EIPR1: variants seen among roughly 807,000 people sequenced by gnomAD.
EIPR1 encodes the protein EARP and GARP complex-interacting protein 1.
EIPR1 carries 25 observed loss-of-function variants against 48.1 expected under a neutral mutation model. That is an observed-to-expected ratio of 0.52 (90% CI 0.38 to 0.73). The LOEUF (loss-of-function observed/expected upper bound fraction) is 0.73. Ranked by LOEUF, EIPR1 falls within the 30% of genes least tolerant of loss-of-function variation. The pLI, the probability that EIPR1 is intolerant of heterozygous loss-of-function variation, is 0.00. For synonymous variants in EIPR1, 204 were observed against 201.9 expected (o/e 1.01, Z -0.09); for missense variants, 415 against 506.2 (o/e 0.82, Z 1.73).
At chr2:3,251,916 C>T (rs879740190) in intron 4 of EIPR1, among the ~76,000 whole-genome samples, 8 of 152,164 alleles carry the variant, frequency 5.3e-5, no homozygotes, top group Admixed American at 1.3e-4. Context: ...AGTTCTGGGG[C>T]GAGACTTCTG....
intron 5 of EIPR1, among the ~76,000 whole-genome samples, chr2:3,206,366 G>A (rs1396543662): frequency 1.3e-5 from 2 of 152,324 alleles, no homozygotes; most frequent in African/African-American, 2.4e-5. Context: ...AGCCCCCAGT[G>A]GGCTGCAGGC....
chr2:3,348,106 G>A (rs1670459226), intron 2 of EIPR1, among the ~76,000 whole-genome samples: 1 of 152,170 alleles, frequency 6.6e-6, no homozygotes, highest in South Asian at 2.1e-4. Flanking sequence ...CCAATCAGAG[G>A]CGCTGCAGGA....
intron 3 of EIPR1, among the ~76,000 whole-genome samples, chr2:3,276,174 T>C (rs1228788417): frequency 2.0e-5 from 3 of 152,208 alleles, no homozygotes; most frequent in African/African-American, 7.2e-5. Context: ...GAAATTACCA[T>C]TTAGGGTGAA....
intron 3 of EIPR1, chr2:3,318,801 A>C: frequency 2.1e-6 from 1 of 465,928 alleles, no homozygotes. Flanking sequence ...CGATCGCCAC[A>C]CATGCACCCC....
intron 3 of EIPR1, among the ~76,000 whole-genome samples, chr2:3,290,586 T>G (rs1017094696): frequency 3.3e-5 from 5 of 152,224 alleles, no homozygotes; most frequent in Non-Finnish European, 5.9e-5. Flanking sequence ...GTCTTGCCAC[T>G]TGGGCATCTG....
At chr2:3,327,878 G>A (rs557081736) in intron 3 of EIPR1, among the ~76,000 whole-genome samples, 1 of 148,430 alleles carries the variant, frequency 6.7e-6, no homozygotes, top group East Asian at 2.0e-4. Context: ...TTTTCTTTTT[G>A]AGATAGGGTC....
chr2:3,268,707 A>G (rs1457957363), intron 3 of EIPR1, among the ~76,000 whole-genome samples: 2 of 152,196 alleles, frequency 1.3e-5, no homozygotes, highest in Admixed American at 1.3e-4. Flanking sequence ...GTTGACCAGG[A>G]AGCTTTGGGC....
chr2:3,239,665 C>T (rs548529654), intron 4 of EIPR1, among the ~76,000 whole-genome samples: 14 of 152,206 alleles, frequency 9.2e-5, no homozygotes, highest in Non-Finnish European at 7.4e-5. Context: ...GCCCTCAGCA[C>T]GGTGCAGACC....
intron 3 of EIPR1, among the ~76,000 whole-genome samples, chr2:3,331,349 G>T (rs1238584044): frequency 1.7e-5 from 1 of 60,034 alleles, no homozygotes; most frequent in Non-Finnish European, 3.0e-5. Flanking sequence ...GATGGTGTGA[G>T]CAGAGGCAGG....
At chr2:3,259,409 A>G (rs185969682) in intron 3 of EIPR1, among the ~76,000 whole-genome samples, 2 of 152,360 alleles carry the variant, frequency 1.3e-5, no homozygotes, top group East Asian at 3.9e-4. Flanking sequence ...CCCTCAATAA[A>G]GCAAAAGTGG....
intron 1 of EIPR1, among the ~76,000 whole-genome samples, chr2:3,362,523 A>G (rs985561332): frequency 2.6e-5 from 4 of 152,120 alleles, no homozygotes; most frequent in African/African-American, 9.7e-5. Flanking sequence ...TCTGGACTTC[A>G]GGTTTTAAGC....
intron 3 of EIPR1, chr2:3,318,860 C>A (rs375168976): frequency 4.2e-6 from 2 of 471,148 alleles, no homozygotes; most frequent in Non-Finnish European, 4.4e-6. Flanking sequence ...AGCTCACCTG[C>A]GACCTGTCCC....
chr2:3,304,902 C>T (rs543280487), intron 3 of EIPR1, among the ~76,000 whole-genome samples: 104 of 149,968 alleles, frequency 6.9e-4, no homozygotes, highest in African/African-American at 2.4e-3. Flanking sequence ...GTTCAACCCT[C>T]CAATCCCGTC....
chr2:3,257,502 C>G, intron 3 of EIPR1, 47 bp from the exon 4 acceptor site: 3 of 1,599,952 alleles, frequency 1.9e-6, no homozygotes, highest in Middle Eastern at 1.7e-4. Flanking sequence ...CACGGTGTGC[C>G]CCGCATTCTG....
chr2:3,254,465 C>T lies in EIPR1; in HGVS notation c.416+2834G>A, dbSNP rs569921993. On this transcript the variant is annotated intron_variant, in intron 4 of 8. Coordinates refer to ENST00000382125, the MANE Select transcript of EIPR1 (RefSeq NM_003310.5). ...GGCAAGTGCTTAACAAACCGTGGTGCGTCATGCCATGGGATATCCCGCCGC... is the reference window on the plus strand; with the variant it reads ...GGCAAGTGCTTAACAAACCGTGGTGTGTCATGCCATGGGATATCCCGCCGC... Among the ~76,000 whole-genome samples, 63 of 152,306 alleles carry T rather than the reference C, an allele frequency of 4.1e-4. 1 individual carries two copies. Among genetic ancestry groups the T allele is most frequent in the Admixed American group, 3.4e-3 (52 of 15,298 alleles).
chr2:3,337,224 G>C (rs1469137914), intron 3 of EIPR1, among the ~76,000 whole-genome samples: 1 of 152,160 alleles, frequency 6.6e-6, no homozygotes, highest in African/African-American at 2.4e-5. Context: ...TGACCAGCTT[G>C]ATATATGAGC....
rs546661549 is a variant in EIPR1, at chr2:3,337,042, A to G, written c.259+975T>C. 1.2e-4 allele frequency among the ~76,000 whole-genome samples: 10 copies of G among 84,534 alleles called. 1 individual carries two copies. The highest frequency in any genetic ancestry group is 3.9e-4 in the African/African-American group (10 of 25,694). The allele number at this position is 84,534 out of a possible 152,430, so 55.5% of individuals were successfully genotyped here. On this transcript the variant is annotated intron_variant, in intron 3 of 8. Transcript: ENST00000382125. ...GGGAAAAGGGAAGGGAAAAGAAAAG[A>G]GAAGGGAAAAGGGTAAAAAGAAGGG...
At chr2:3,326,774 T>A (rs1669710890) in intron 3 of EIPR1, among the ~76,000 whole-genome samples, 1 of 152,210 alleles carries the variant, frequency 6.6e-6, no homozygotes, top group Admixed American at 6.5e-5. Flanking sequence ...TCAGTACACC[T>A]CAGCAGCCTT....
At chr2:3,273,316 C>A (rs543163526) in intron 3 of EIPR1, among the ~76,000 whole-genome samples, 16 of 152,134 alleles carry the variant, frequency 1.1e-4, no homozygotes, top group Non-Finnish European at 2.1e-4. Context: ...AAATGATAAA[C>A]CACGGTTAGC....
Sources: gnomAD v4.1 joint callset for allele counts (sites outside exome capture counted in the v4.1 genomes callset) on GRCh38, gnomAD v4.1.1 for gene constraint, MANE v1.5 for transcripts, NCBI Gene and HGNC (gene_info 2026-07-23, HGNC 2026-07-21) for gene names.